The following SERPINB12 variants were observed in gnomAD, a reference collection of about 807,000 sequenced individuals.
SERPINB12 encodes serpin B12.
SERPINB12 carries 57 observed loss-of-function variants against 41.1 expected under a neutral mutation model. The ratio of observed to expected loss-of-function variants is 1.39; its 90% CI spans 1.12 to 1.73. The LOEUF is 1.73. Among genes scored for constraint, SERPINB12 ranks in the 40% most tolerant of loss-of-function variants. The pLI, the probability that SERPINB12 is intolerant of heterozygous loss-of-function variation, is 0.00. For missense variants in SERPINB12, 536 were observed against 501.9 expected, an observed-to-expected ratio of 1.07 and a Z score of -0.65; for synonymous variants, 180 against 181.3, an observed-to-expected ratio of 0.99 and a Z score of 0.06.
intron 1 of SERPINB12, among the ~76,000 whole-genome samples, chr18:63,554,508 C>G (rs897383984): frequency 6.6e-6 from 1 of 152,128 alleles, no homozygotes; most frequent in African/African-American, 2.4e-5. Context: ...TTATGGTGTG[C>G]TGTATCTGAT....
chr18:63,542,951 G>A (rs1399618703), intron 1 of SERPINB12, among the ~76,000 whole-genome samples: 6 of 152,140 alleles, frequency 3.9e-5, no homozygotes, highest in Non-Finnish European at 7.4e-5. Context: ...CTCCATCCAT[G>A]TTGCTGCAAA....
chr18:63,558,631 C>A, intron 3 of SERPINB12, 145 bp downstream of exon 3: 1 of 923,500 alleles, frequency 1.1e-6, no homozygotes, highest in Non-Finnish European at 1.6e-6. Flanking sequence ...ATCTGTGATT[C>A]CTGAGTATGG....
chr18:63,543,597 T>A (rs923255159), intron 1 of SERPINB12, among the ~76,000 whole-genome samples: 3 of 75,452 alleles, frequency 4.0e-5, no homozygotes, highest in African/African-American at 1.2e-4. Flanking sequence ...TATTTTTATT[T>A]ATTTTTTTTT....
chr18:63,536,451 C>T, the SERPINB12 span, among the ~76,000 whole-genome samples: 1 of 152,098 alleles, frequency 6.6e-6, no homozygotes, highest in Non-Finnish European at 1.5e-5. Context: ...AGATGCTTAA[C>T]TTATAACTAA....
chr18:63,541,789 G>A (rs1910277727), upstream of SERPINB12, among the ~76,000 whole-genome samples: 1 of 152,032 alleles, frequency 6.6e-6, no homozygotes, highest in African/African-American at 2.4e-5. Context: ...GAAGAGGGGA[G>A]AGACACCTTT....
intron 1 of SERPINB12, among the ~76,000 whole-genome samples, chr18:63,553,482 G>C (rs959648338): frequency 1.3e-5 from 2 of 152,152 alleles, no homozygotes; most frequent in Non-Finnish European, 2.9e-5. Context: ...GAAGGCAGAA[G>C]GGGTGAAGCC....
At chr18:63,537,520 T>C (rs55919878), upstream of SERPINB12, among the ~76,000 whole-genome samples, 3,640 of 152,270 alleles carry the variant, frequency 0.024, 151 homozygotes, top group African/African-American at 0.083. Flanking sequence ...TTGAAAGATA[T>C]TTGATTTAAT....
At chr18:63,542,147 G>C (rs762759585), upstream of SERPINB12, among the ~76,000 whole-genome samples, 9 of 152,136 alleles carry the variant, frequency 5.9e-5, no homozygotes, top group Non-Finnish European at 1.3e-4. Flanking sequence ...TCTTTACTAA[G>C]GCTCTAACCC....
At chr18:63,524,043 C>T in the SERPINB12 span, among the ~76,000 whole-genome samples, 11 of 151,906 alleles carry the variant, frequency 7.2e-5, 1 homozygote, top group South Asian at 8.3e-4. Flanking sequence ...GGAAGAAATA[C>T]GGCAGAAATA....
chr18:63,549,728 T>C (rs1910477316), intron 1 of SERPINB12, among the ~76,000 whole-genome samples: 1 of 152,322 alleles, frequency 6.6e-6, no homozygotes, highest in Middle Eastern at 3.4e-3. Context: ...CGTCCTGAGA[T>C]GGACTCTCAG....
intron 1 of SERPINB12, among the ~76,000 whole-genome samples, chr18:63,552,054 G>A (rs2144325166): frequency 6.6e-6 from 1 of 152,262 alleles, no homozygotes; most frequent in African/African-American, 2.4e-5. Context: ...TATATAGTGG[G>A]GAAGAAATGT....
At chr18:63,542,724 A>C (rs958975258) in intron 1 of SERPINB12, among the ~76,000 whole-genome samples, 6 of 152,094 alleles carry the variant, frequency 3.9e-5, no homozygotes, top group Admixed American at 3.9e-4. Context: ...TTTGGTGTAC[A>C]GATTATTTTG....
rs1227826797 is a variant in SERPINB12 at position 63,567,944 on chromosome 18, T to A, written c.*933T>A. The stretch of plus-strand genomic sequence containing the variant: ...AGGCTGGCCTCTGTGTGCCCCTCTC[T>A]CTGCCTTCTGGCCACGTGGAGGCTG... On this transcript the variant is annotated 3_prime_UTR_variant, in exon 8 of 8. Transcript: ENST00000382768. Among the ~76,000 whole-genome samples the A allele has an allele frequency of 7.0e-6, 1 of 143,722 alleles. No individual in the cohort carries two copies. The highest frequency in any genetic ancestry group is 2.5e-5 in the African/African-American group (1 of 40,650). The allele number at this position is 143,722 out of a possible 152,430, so 94.3% of individuals were successfully genotyped here.
At chr18:63,524,216 A>C in the SERPINB12 span, among the ~76,000 whole-genome samples, 8 of 152,212 alleles carry the variant, frequency 5.3e-5, no homozygotes, top group Non-Finnish European at 8.8e-5. Context: ...TTAGTATATT[A>C]ATGCTCGATT....
intron 1 of SERPINB12, among the ~76,000 whole-genome samples, chr18:63,554,918 A>T (rs1205504966): frequency 6.6e-6 from 1 of 152,130 alleles, no homozygotes; most frequent in Non-Finnish European, 1.5e-5. Context: ...GTGAATTCTC[A>T]TGAGATCTGA....
Position 63,558,408 on chromosome 18 carries a change from G to GA in SERPINB12, c.229dup (p.Ser77LysfsTer9). ...AAAGCAAAGAACCTGACCCTTGTCT[G>GA]AAAAGCAACAAACAAAAAGTGCTGG... On this transcript the variant is annotated frameshift_variant, in exon 3 of 8. Transcript: ENST00000382768. LOFTEE classifies it high-confidence loss of function. 6.2e-7 allele frequency: 1 copy of GA among 1,613,514 alleles called. No individual in the cohort carries two copies. The highest frequency in any genetic ancestry group is 1.3e-5 in the African/African-American group (1 of 75,012).
the SERPINB12 span, among the ~76,000 whole-genome samples, chr18:63,521,799 C>T: frequency 1.3e-5 from 2 of 152,146 alleles, no homozygotes; most frequent in Non-Finnish European, 2.9e-5. Context: ...TTTGGTGTGA[C>T]CCATACATCA....
chr18:63,529,868 C>T, the SERPINB12 span, among the ~76,000 whole-genome samples: 1 of 152,160 alleles, frequency 6.6e-6, no homozygotes, highest in Non-Finnish European at 1.5e-5. Context: ...AATTAAAGAA[C>T]TCTTATTAAT....
chr18:63,551,473 A>C (rs1369994935), intron 1 of SERPINB12, among the ~76,000 whole-genome samples: 1 of 151,826 alleles, frequency 6.6e-6, no homozygotes. Context: ...TTACAGGTGC[A>C]TGCCACCATG....
Sources: allele counts gnomAD v4.1 joint callset (sites outside exome capture counted in the v4.1 genomes callset), GRCh38; gene constraint gnomAD v4.1.1; transcripts MANE v1.5; gene names NCBI Gene and HGNC (gene_info 2026-07-23, HGNC 2026-07-21).